PKP2: variants seen among roughly 807,000 people sequenced by gnomAD.
PKP2 encodes plakophilin-2.
PKP2 carries 73 observed loss-of-function variants against 83.4 expected under a neutral mutation model. That is an observed-to-expected ratio of 0.88 (90% CI 0.72 to 1.06). The LOEUF (loss-of-function observed/expected upper bound fraction) is 1.06, where lower values mean the gene tolerates loss of function less well. PKP2 is among the 50% of genes least tolerant of loss of function. The pLI, the probability that PKP2 is intolerant of heterozygous loss-of-function variation, is 0.00. For synonymous variants in PKP2, 409 were observed against 430.4 expected (o/e 0.95, Z 0.62); for missense variants, 966 against 1,065.4 (o/e 0.91, Z 1.30).
At chr12:32,872,951 T>G (rs1328616769) in intron 3 of PKP2, among the ~76,000 whole-genome samples, 1 of 152,144 alleles carries the variant, frequency 6.6e-6, no homozygotes, top group Non-Finnish European at 1.5e-5. Flanking sequence ...AAGCAGGTAG[T>G]AATTAAGAGG....
intron 3 of PKP2, among the ~76,000 whole-genome samples, chr12:32,871,388 TG>T (rs1425849789): frequency 6.6e-6 from 1 of 152,134 alleles, no homozygotes; most frequent in Non-Finnish European, 1.5e-5. Context: ...CTCAACCTCC[TG>T]GGCTCAAGCG....
intron 4 of PKP2, among the ~76,000 whole-genome samples, chr12:32,855,285 G>A (rs1019858753): frequency 2.6e-5 from 4 of 152,130 alleles, no homozygotes; most frequent in Non-Finnish European, 5.9e-5. Flanking sequence ...AGGTATCCAC[G>A]GGAGAGGCAG....
chr12:32,792,587 T>G (rs936302426), intron 12 of PKP2, 57 bp downstream of exon 12: 91 of 1,550,640 alleles, frequency 5.9e-5, no homozygotes, highest in Middle Eastern at 1.7e-4. Context: ...TCAAGTCAAG[T>G]GGGCCATTAT....
At position 32,878,054 on chromosome 12, in the gene PKP2, G is replaced by A. The variant is rs201944276; in HGVS notation, c.826C>T (p.Pro276Ser). Reference sequence around the variant, plus strand: ...CTGTTCTGAGTGACGGGCTGCAGGGGCACCAGCGGCCTGACCTGCCCGACA... The same window carrying A: ...CTGTTCTGAGTGACGGGCTGCAGGGACACCAGCGGCCTGACCTGCCCGACA... The part of the protein sequence containing the change: ...LTVGQVRPLV[P>S]LQPVTQNRAS... The change falls in exon 3 of 13, where the codon CCC becomes TCC. Residue 276 changes from proline (P) to serine (S), a missense_variant. By Grantham distance (74) the Pro-to-Ser change is moderately conservative. Coordinates refer to ENST00000340811, the MANE Select transcript of PKP2 (RefSeq NM_001005242.3). The A allele has an allele frequency of 7.1e-5, 115 of 1,613,836 alleles. 1 individual carries two copies. The highest frequency in any genetic ancestry group is 1.7e-5 in the Non-Finnish European group (20 of 1,180,050).
At chr12:32,832,194 T>C (rs926317621) in intron 6 of PKP2, among the ~76,000 whole-genome samples, 3 of 151,996 alleles carry the variant, frequency 2.0e-5, no homozygotes, top group African/African-American at 7.3e-5. Context: ...CTGGCCAACA[T>C]GGTGAAACCC....
intron 1 of PKP2, among the ~76,000 whole-genome samples, chr12:32,887,968 C>A (rs538912168): frequency 1.3e-4 from 20 of 152,050 alleles, no homozygotes; most frequent in African/African-American, 4.6e-4. Flanking sequence ...TCACTTGAGT[C>A]CAGGAATTTG....
At chr12:32,886,862 G>A (rs1488467222) in intron 1 of PKP2, among the ~76,000 whole-genome samples, 1 of 152,088 alleles carries the variant, frequency 6.6e-6, no homozygotes, top group Non-Finnish European at 1.5e-5. Flanking sequence ...AGCTGGGCAT[G>A]GTGGCATGGG....
Position 32,824,073 on chromosome 12 carries a change from G to C in PKP2, c.1646C>G (p.Thr549Ser). 1 of 1,605,028 alleles carries C rather than the reference G, an allele frequency of 6.2e-7. No individual in the cohort carries two copies. The highest frequency in any genetic ancestry group is 1.1e-5 in the South Asian group (1 of 90,896). The change falls in exon 7 of 13, where the codon ACC becomes AGC. Residue 549 changes from threonine to serine, a missense_variant. By Grantham distance (58) the Thr-to-Ser change is moderately conservative. Coordinates refer to ENST00000340811, the MANE Select transcript of PKP2 (RefSeq NM_001005242.3). Reference sequence around the variant, plus strand: ...GTCATCTGGCTGGTAATCTGCAATGGTTCCTCTGACATAATGGACCAGTGA... The same window carrying C: ...GTCATCTGGCTGGTAATCTGCAATGCTTCCTCTGACATAATGGACCAGTGA... ...IDSLVHYVRG[T>S]IADYQPDDKA... is the part of the protein sequence containing the mutation.
chr12:32,892,125 A>ATCCC (rs1426648968), intron 1 of PKP2, among the ~76,000 whole-genome samples: 1 of 151,606 alleles, frequency 6.6e-6, no homozygotes, highest in Non-Finnish European at 1.5e-5. Context: ...CCCTTTCCTG[A>ATCCC]TCCCTCCTAC....
chr12:32,845,001 A>T (rs1357317880), intron 5 of PKP2, among the ~76,000 whole-genome samples: 1 of 152,114 alleles, frequency 6.6e-6, no homozygotes, highest in East Asian at 1.9e-4. Context: ...CTTCTGATCA[A>T]TTTTTTCATA....
At chr12:32,863,398 C>A in intron 4 of PKP2, 1 of 261,734 alleles carries the variant, frequency 3.8e-6, no homozygotes, top group Non-Finnish European at 8.0e-6. Flanking sequence ...AGCTATTGGA[C>A]ACAGAGTCCG....
At chr12:32,839,041 C>T (rs73303626) in intron 6 of PKP2, among the ~76,000 whole-genome samples, 3,425 of 152,204 alleles carry the variant, frequency 0.023, 128 homozygotes, top group African/African-American at 0.077. Flanking sequence ...TATGAAAGTA[C>T]TATGACATCT....
rs553404270 is a variant in PKP2 at position 32,826,468 on chromosome 12, T to C, written c.1557-2306A>G. ...GCAATTTCATGATTCAACGTGACAG[T>C]TGAGGAGATAACATACCTAAAACTA... On this transcript the variant is annotated intron_variant, in intron 6 of 12. Coordinates refer to ENST00000340811, the MANE Select transcript of PKP2 (RefSeq NM_001005242.3). Among the ~76,000 whole-genome samples, 15 of 152,290 alleles carry C rather than the reference T, an allele frequency of 9.8e-5. No individual in the cohort carries two copies. In the East Asian group the frequency reaches 2.9e-3, roughly 29 times the overall value.
intron 5 of PKP2, among the ~76,000 whole-genome samples, chr12:32,843,005 A>C (rs1050832304): frequency 7.0e-6 from 1 of 143,564 alleles, no homozygotes; most frequent in African/African-American, 2.6e-5. Context: ...TTTGAGACAG[A>C]GTCTCACTCG....
intron 6 of PKP2, among the ~76,000 whole-genome samples, chr12:32,826,295 G>C (rs1956440625): frequency 9.1e-6 from 1 of 109,722 alleles, no homozygotes; most frequent in Non-Finnish European, 1.7e-5. Context: ...GACAAAGCTA[G>C]ACACCGTCTC....
chr12:32,827,081 A>G (rs1202566361), intron 6 of PKP2, among the ~76,000 whole-genome samples: 1 of 152,244 alleles, frequency 6.6e-6, no homozygotes, highest in Non-Finnish European at 1.5e-5. Flanking sequence ...GACAAATCAA[A>G]AAGTCTTTCT....
chr12:32,834,438 G>A (rs991287558), intron 6 of PKP2, among the ~76,000 whole-genome samples: 9 of 152,118 alleles, frequency 5.9e-5, no homozygotes, highest in Non-Finnish European at 1.5e-5. Context: ...GAAGAGTCTT[G>A]GGGACTTAAT....
intron 6 of PKP2, among the ~76,000 whole-genome samples, chr12:32,824,664 T>C (rs1956416652): frequency 6.6e-6 from 1 of 152,204 alleles, no homozygotes; most frequent in African/African-American, 2.4e-5. Flanking sequence ...TATTGACAAA[T>C]ATTAAATCAG....
Position 32,790,913 on chromosome 12 carries a change from G to T in PKP2, c.*1511C>A, listed in dbSNP as rs1956059751. The T allele has an allele frequency of 6.6e-6, 1 of 151,980 alleles. No individual in the cohort carries two copies. The highest frequency in any genetic ancestry group is 2.4e-5 in the African/African-American group (1 of 41,352). The allele number at this position is 151,980 out of a possible 1,614,324, so 9.4% of individuals were successfully genotyped here. On this transcript the variant is annotated 3_prime_UTR_variant, in exon 13 of 13. Coordinates refer to ENST00000340811, the MANE Select transcript of PKP2 (RefSeq NM_001005242.3). ...AATTCTCTCCAGTATTTTAAAAATTGGTATCTAAATAATTTCATTTTGAAC... is the reference window on the plus strand; with the variant it reads ...AATTCTCTCCAGTATTTTAAAAATTTGTATCTAAATAATTTCATTTTGAAC...
Sources: allele counts gnomAD v4.1 joint callset (sites outside exome capture counted in the v4.1 genomes callset), GRCh38; gene constraint gnomAD v4.1.1; transcripts MANE v1.5; gene names NCBI Gene and HGNC (gene_info 2026-07-23, HGNC 2026-07-21).